ENPP6: variants seen among roughly 807,000 people sequenced by gnomAD.
The protein encoded by ENPP6 is ectonucleotide pyrophosphatase/phosphodiesterase 6.
Under a neutral mutation model 42.0 loss-of-function variants are expected in ENPP6, and 32 were observed. The ratio of observed to expected loss-of-function variants is 0.76; its 90% CI spans 0.58 to 1.02. The LOEUF (loss-of-function observed/expected upper bound fraction) is 1.02, where lower values mean the gene tolerates loss of function less well. ENPP6 is among the 50% of genes least tolerant of loss of function. The pLI is 0.00. For synonymous variants in ENPP6, 213 were observed against 216.0 expected (o/e 0.99, Z 0.12); for missense variants, 552 against 566.8 (o/e 0.97, Z 0.27).
intron 1 of ENPP6, among the ~76,000 whole-genome samples, chr4:184,155,749 C>T (rs1737148577): frequency 1.3e-5 from 2 of 152,310 alleles, no homozygotes; most frequent in South Asian, 4.1e-4. Context: ...AGGCTGCATA[C>T]AAGGAAGCAT....
rs57184304 is a variant in ENPP6, at chr4:184,122,404, ACACCAC to A, written c.533+1751_533+1756del. ...ATACCTATGGTAGACACACACTCAT[ACACCAC>A]CACCACCACCACCACCACCACCACC... On this transcript the variant is annotated intron_variant, in intron 3 of 7. Transcript: ENST00000296741. Among the ~76,000 whole-genome samples the A allele has an allele frequency of 9.0e-3, 1,274 of 140,886 alleles. 22 individuals are homozygous for A. Among genetic ancestry groups the A allele is most frequent in the African/African-American group, 0.032 (1,202 of 37,738 alleles). 92.4% of individuals were successfully genotyped at this position (140,886 alleles called of 152,430 possible). A position where few individuals can be genotyped will look rare whatever the true frequency, so the allele number is the denominator to read the frequency against.
At chr4:184,138,775 C>A (rs959481098) in intron 2 of ENPP6, among the ~76,000 whole-genome samples, 5 of 152,284 alleles carry the variant, frequency 3.3e-5, no homozygotes, top group Middle Eastern at 6.8e-3. Context: ...ATCCTGGAAG[C>A]AACTGGGCCC....
At chr4:184,181,986 C>A (rs1344318217) in intron 1 of ENPP6, among the ~76,000 whole-genome samples, 1 of 151,982 alleles carries the variant, frequency 6.6e-6, no homozygotes, top group Non-Finnish European at 1.5e-5. Context: ...AAAGCAATTG[C>A]AACAAATGCA....
At chr4:184,105,070 T>C (rs1736066474) in intron 6 of ENPP6, among the ~76,000 whole-genome samples, 1 of 152,202 alleles carries the variant, frequency 6.6e-6, no homozygotes, top group African/African-American at 2.4e-5. Context: ...TTAGGCTGAT[T>C]GAAGTTACTT....
In ENPP6 at chr4:184,184,225, C is replaced by T. The variant is rs1429007133; in HGVS notation, c.242-30492G>A. Among the ~76,000 whole-genome samples the T allele has an allele frequency of 6.6e-6, 1 of 152,044 alleles. No homozygotes were observed. Among genetic ancestry groups the T allele is most frequent in the Non-Finnish European group, 1.5e-5 (1 of 68,004 alleles). On this transcript the variant is annotated intron_variant, in intron 1 of 7. Transcript: ENST00000296741. This position sits in a 1 kb window ranked among gnomAD's most constrained non-coding sequence, Gnocchi z 4.7. Reference sequence around the variant, plus strand: ...GAAACGACAACCACAGATTTAGCACCAAGAGCTTTAAGTTTGGAATGATTA... The same window carrying T: ...GAAACGACAACCACAGATTTAGCACTAAGAGCTTTAAGTTTGGAATGATTA...
chr4:184,131,235 CTT>C (rs1469459884), intron 2 of ENPP6, among the ~76,000 whole-genome samples: 6 of 8,608 alleles, frequency 7.0e-4, no homozygotes, highest in South Asian at 3.3e-3. Context: ...TCTTTCTTTC[CTT>C]TTCTTTCTTT....
intron 1 of ENPP6, among the ~76,000 whole-genome samples, chr4:184,214,739 T>C (rs1733171482): frequency 6.6e-6 from 1 of 151,776 alleles, no homozygotes; most frequent in Non-Finnish European, 1.5e-5. Context: ...GGACAGAAAA[T>C]CAAACACCAC....
At chr4:184,146,374 G>A (rs1483751809) in intron 2 of ENPP6, among the ~76,000 whole-genome samples, 2 of 151,086 alleles carry the variant, frequency 1.3e-5, no homozygotes, top group Admixed American at 6.6e-5. Context: ...AGGTTGCAGC[G>A]AGCTGAGATT....
chr4:184,214,431 C>G (rs73009796), intron 1 of ENPP6, among the ~76,000 whole-genome samples: 71 of 152,218 alleles, frequency 4.7e-4, no homozygotes, highest in Non-Finnish European at 7.6e-4. Context: ...CACAAATAGG[C>G]CTGTTGATTC....
At chr4:184,206,157 G>A (rs144125592) in intron 1 of ENPP6, among the ~76,000 whole-genome samples, 1 of 152,206 alleles carries the variant, frequency 6.6e-6, no homozygotes, top group Non-Finnish European at 1.5e-5. Context: ...AATCCTGGGG[G>A]AAGGAGGGCG....
intron 1 of ENPP6, among the ~76,000 whole-genome samples, chr4:184,212,790 A>C (rs1733134531): frequency 6.6e-6 from 1 of 151,990 alleles, no homozygotes; most frequent in South Asian, 2.1e-4. Flanking sequence ...AGTCAATCCT[A>C]AGCCAAAAGA....
chr4:184,090,780 A>G lies in ENPP6; in HGVS notation c.*397T>C, dbSNP rs114488141. On this transcript the variant is annotated 3_prime_UTR_variant, in exon 8 of 8. Coordinates refer to ENST00000296741, the MANE Select transcript of ENPP6 (RefSeq NM_153343.4). ...TCCTGGGTGTGGACAGGGCACAGAC[A>G]AGGGCCTGGTCTGAGGGGGTCCTTT... 7.1e-3 allele frequency: 2,579 copies of G among 364,716 alleles called. 46 individuals carry two copies. The highest frequency in any genetic ancestry group is 0.049 in the African/African-American group (2,347 of 47,928). The allele number at this position is 364,716 out of a possible 1,614,324, so 22.6% of individuals were successfully genotyped here. A position where few individuals can be genotyped will look rare whatever the true frequency, so the allele number is the denominator to read the frequency against.
At chr4:184,163,904 A>G (rs1165358777) in intron 1 of ENPP6, among the ~76,000 whole-genome samples, 1 of 152,208 alleles carries the variant, frequency 6.6e-6, no homozygotes, top group African/African-American at 2.4e-5. Context: ...ACTAAGAAGG[A>G]TCTTGGAAAT....
chr4:184,141,875 C>T (rs1350501149), intron 2 of ENPP6, among the ~76,000 whole-genome samples: 6 of 152,032 alleles, frequency 3.9e-5, no homozygotes, highest in Non-Finnish European at 8.8e-5. Context: ...ACTTTTTTGG[C>T]TTGGACCAAA....
chr4:184,216,351 A>C (rs1733195374), intron 1 of ENPP6, among the ~76,000 whole-genome samples: 1 of 152,184 alleles, frequency 6.6e-6, no homozygotes, highest in African/African-American at 2.4e-5. Flanking sequence ...GCTTGTGTGC[A>C]GTCTGATTTT....
At chr4:184,117,170 GGT>G in intron 4 of ENPP6, 135 bp from the exon 5 acceptor site, 1 of 1,095,918 alleles carries the variant, frequency 9.1e-7, no homozygotes, top group Admixed American at 2.4e-5. Context: ...ATTTTGCCCT[GGT>G]GAGACCCAGT....
intron 1 of ENPP6, among the ~76,000 whole-genome samples, chr4:184,186,695 G>A (rs904838903): frequency 6.6e-6 from 1 of 152,162 alleles, no homozygotes; most frequent in East Asian, 1.9e-4. Context: ...GAGGTTTTGA[G>A]TGAATTTAGG....
At position 184,124,219 on chromosome 4, in the gene ENPP6, T is replaced by C. The variant is rs202165467; in HGVS notation, c.475A>G (p.Asn159Asp). Reference sequence around the variant, plus strand: ...GCAAAATTGATATCCGTTGGGACATTTTTATATTCTAGGCAGTAGGTGGGT... The same window carrying C: ...GCAAAATTGATATCCGTTGGGACATCTTTATATTCTAGGCAGTAGGTGGGT... ...VRPTYCLEYK[N>D]VPTDINFANA... The change falls in exon 3 of 8, where the codon AAT (asparagine) becomes GAT (aspartate). Residue 159 changes from asparagine to aspartate, a missense_variant. By Grantham distance (23) the Asn-to-Asp change is conservative. This residue lies in a region of ENPP6 where 545 missense variants were observed against 546.3 expected (regional missense o/e 1.00). Coordinates refer to ENST00000296741, the MANE Select transcript of ENPP6 (RefSeq NM_153343.4). 1.2e-5 allele frequency: 20 copies of C among 1,613,962 alleles called. No homozygotes were observed. In the African/African-American group the frequency reaches 2.7e-4, roughly 22 times the overall value.
Position 184,109,175 on chromosome 4 carries a change from C to T in ENPP6, c.993+3497G>A, listed in dbSNP as rs188833915. ...GCAGTGAGCTGAGATCGCACCACCG[C>T]ACTCCAGCCTGGGTGACAGAGGGAG... On this transcript the variant is annotated intron_variant, in intron 6 of 7. Transcript: ENST00000296741. Among the ~76,000 whole-genome samples, 395 of 152,100 alleles carry T rather than the reference C, an allele frequency of 2.6e-3. 5 individuals are homozygous for T. The highest frequency in any genetic ancestry group is 0.023 in the Admixed American group (352 of 15,290).
Sources: allele counts gnomAD v4.1 joint callset (sites outside exome capture counted in the v4.1 genomes callset), GRCh38; gene constraint gnomAD v4.1.1; regional missense constraint gnomAD v4.1.1; non-coding constraint Gnocchi (gnomAD v3.1); transcripts MANE v1.5; gene names NCBI Gene and HGNC (gene_info 2026-07-23, HGNC 2026-07-21).